Variants in SIL1 observed in about 807,000 individuals in gnomAD.
SIL1 encodes the protein nucleotide exchange factor SIL1.
Under a neutral mutation model 49.1 loss-of-function variants are expected in SIL1, and 40 were observed. The observed-to-expected ratio is 0.81, with a 90% confidence interval of 0.63 to 1.06. The LOEUF (loss-of-function observed/expected upper bound fraction) is 1.06. Ranked by LOEUF, SIL1 falls within the 50% of genes least tolerant of loss-of-function variation. SIL1 has a pLI of 0.00. For synonymous variants in SIL1, 253 were observed against 250.8 expected (o/e 1.01, Z -0.08); for missense variants, 500 against 572.6 (o/e 0.87, Z 1.29).
At chr5:139,189,852 A>G (rs1208569504) in intron 1 of SIL1, among the ~76,000 whole-genome samples, 2 of 152,158 alleles carry the variant, frequency 1.3e-5, no homozygotes, top group East Asian at 3.9e-4. Context: ...AAAGTACACA[A>G]TAAATATAAT....
intron 3 of SIL1, among the ~76,000 whole-genome samples, chr5:139,090,214 A>G (rs1462640407): frequency 6.6e-6 from 1 of 152,152 alleles, no homozygotes; most frequent in East Asian, 1.9e-4. Flanking sequence ...CCAGTTCCTC[A>G]GTCCTAAAGT....
At chr5:139,047,950 T>C (rs536507034) in intron 4 of SIL1, among the ~76,000 whole-genome samples, 1 of 152,340 alleles carries the variant, frequency 6.6e-6, no homozygotes, top group South Asian at 2.1e-4. Flanking sequence ...GGTGTGTCTC[T>C]ACAGTTCACA....
At chr5:139,192,368 T>C (rs183246249) in intron 1 of SIL1, among the ~76,000 whole-genome samples, 2 of 152,212 alleles carry the variant, frequency 1.3e-5, no homozygotes, top group African/African-American at 2.4e-5. Flanking sequence ...AGTAGCCAGA[T>C]GTGGAGATGA....
chr5:139,158,937 T>C (rs532260862), intron 1 of SIL1, among the ~76,000 whole-genome samples: 43 of 152,182 alleles, frequency 2.8e-4, no homozygotes, highest in Non-Finnish European at 5.3e-4. Flanking sequence ...CCATGGGAAC[T>C]GCAGGGAGAC....
intron 3 of SIL1, among the ~76,000 whole-genome samples, chr5:139,096,635 C>T (rs986309173): frequency 6.6e-6 from 1 of 151,706 alleles, no homozygotes; most frequent in Non-Finnish European, 1.5e-5. Flanking sequence ...CAGAACAGGG[C>T]ACCAGTCAGA....
intron 7 of SIL1, among the ~76,000 whole-genome samples, chr5:139,002,905 G>C (rs920283695): frequency 6.6e-6 from 1 of 152,122 alleles, no homozygotes; most frequent in Non-Finnish European, 1.5e-5. Context: ...GTGTCCTTAG[G>C]TTTGAACTTC....
chr5:139,138,155 A>G (rs1751012949), intron 1 of SIL1, among the ~76,000 whole-genome samples: 1 of 151,854 alleles, frequency 6.6e-6, no homozygotes, highest in Admixed American at 6.6e-5. Flanking sequence ...ACACACACAC[A>G]CACACACAAA....
At chr5:139,103,002 C>A (rs184597555) in intron 3 of SIL1, among the ~76,000 whole-genome samples, 3 of 152,254 alleles carry the variant, frequency 2.0e-5, no homozygotes, top group Admixed American at 2.0e-4. Flanking sequence ...GTGTGAGCCA[C>A]CATGCCCAGC....
chr5:139,158,085 C>G lies in SIL1; in HGVS notation c.-10-30232G>C, dbSNP rs548408556. ...CACAACAATCCTTCGTCATAGGAAC[C>G]ATCATTATTCCCCTATTACTGATGA... On this transcript the variant is annotated intron_variant, in intron 1 of 9. Coordinates refer to ENST00000394817, the MANE Select transcript of SIL1 (RefSeq NM_022464.5). 2.0e-5 allele frequency among the ~76,000 whole-genome samples: 3 copies of G among 152,198 alleles called. No homozygotes were observed. In the South Asian group the frequency reaches 6.2e-4, roughly 32 times the overall value.
intron 3 of SIL1, among the ~76,000 whole-genome samples, chr5:139,079,039 A>G (rs1419945778): frequency 6.6e-6 from 1 of 152,278 alleles, no homozygotes; most frequent in Non-Finnish European, 1.5e-5. Context: ...AATTTTTAAA[A>G]TGTTAATTTT....
At chr5:139,039,177 CACTGCCTTCTACCACTTTTT>C (rs933432491) in intron 5 of SIL1, among the ~76,000 whole-genome samples, 1 of 152,216 alleles carries the variant, frequency 6.6e-6, no homozygotes, top group African/African-American at 2.4e-5. Context: ...GGAAGCAGAA[CACTGCCTTCTACCACTTTTT>C]ACTGCCTTCT....
intron 3 of SIL1, among the ~76,000 whole-genome samples, chr5:139,098,868 G>T (rs554198946): frequency 3.3e-4 from 46 of 137,324 alleles, no homozygotes; most frequent in Non-Finnish European, 6.4e-4. Flanking sequence ...TCAGGCTGGA[G>T]TGCAGTGGTG....
chr5:139,132,173 T>C lies in SIL1; in HGVS notation c.-10-4320A>G, dbSNP rs117452975. The stretch of plus-strand genomic sequence containing the variant: ...GAGGAAGAGCTAAATGAGAAGGAAA[T>C]AGTCAAGGGCAAAGAAGACAAATGA... On this transcript the variant is annotated intron_variant, in intron 1 of 9. Transcript: ENST00000394817. 1.4e-3 allele frequency among the ~76,000 whole-genome samples: 211 copies of C among 151,728 alleles called. 1 individual carries two copies. The East Asian group carries it at 0.039, about 28-fold the overall frequency.
At chr5:139,054,232 C>T (rs1047842613) in intron 3 of SIL1, among the ~76,000 whole-genome samples, 12 of 151,986 alleles carry the variant, frequency 7.9e-5, no homozygotes, top group East Asian at 5.8e-4. Flanking sequence ...AGTGAGACCC[C>T]GTCTGTACAA....
At chr5:139,076,878 C>T (rs1222191170) in intron 3 of SIL1, among the ~76,000 whole-genome samples, 1 of 152,186 alleles carries the variant, frequency 6.6e-6, no homozygotes, top group African/African-American at 2.4e-5. Flanking sequence ...TGCCTATAAT[C>T]CCAGCACTTT....
intron 3 of SIL1, among the ~76,000 whole-genome samples, chr5:139,065,026 G>C (rs1444924802): frequency 2.0e-5 from 3 of 152,198 alleles, no homozygotes; most frequent in Non-Finnish European, 4.4e-5. Flanking sequence ...GCCATGCCAT[G>C]ATAGATGCTC....
chr5:139,034,836 A>G (rs934175957), intron 5 of SIL1, among the ~76,000 whole-genome samples: 1 of 152,252 alleles, frequency 6.6e-6, no homozygotes, highest in Non-Finnish European at 1.5e-5. Flanking sequence ...TCTTTGAGGA[A>G]TTGCCACACT....
At chr5:138,959,820 C>T (rs1580983694) in intron 7 of SIL1, among the ~76,000 whole-genome samples, 1 of 152,248 alleles carries the variant, frequency 6.6e-6, no homozygotes, top group East Asian at 1.9e-4. Flanking sequence ...CAGGGCCACT[C>T]TGCCCCTAAT....
At chr5:139,069,402 A>G (rs568915176) in intron 3 of SIL1, among the ~76,000 whole-genome samples, 11 of 152,296 alleles carry the variant, frequency 7.2e-5, no homozygotes, top group African/African-American at 2.6e-4. Context: ...CATGAAAAGG[A>G]GGAAAGTTGG....
Sources: gnomAD v4.1 joint callset for allele counts (sites outside exome capture counted in the v4.1 genomes callset) on GRCh38, gnomAD v4.1.1 for gene constraint, MANE v1.5 for transcripts, NCBI Gene and HGNC (gene_info 2026-07-23, HGNC 2026-07-21) for gene names.